PDZRN4: variants seen among roughly 807,000 people sequenced by gnomAD.
The protein encoded by PDZRN4 is PDZ domain-containing RING finger protein 4.
In PDZRN4, 70 loss-of-function variants were observed where a neutral mutation model predicts 99.0. The ratio of observed to expected loss-of-function variants is 0.71; its 90% confidence interval spans 0.58 to 0.86. The LOEUF is 0.86. PDZRN4 is among the 40% of genes least tolerant of loss of function. The pLI, the probability that PDZRN4 is intolerant of heterozygous loss-of-function variation, is 0.00. For missense variants in PDZRN4, 1,474 were observed against 1,331.2 expected (o/e 1.11, Z -1.67); for synonymous variants, 551 against 501.6 (o/e 1.10, Z -1.32).
intron 3 of PDZRN4, among the ~76,000 whole-genome samples, chr12:41,247,932 G>A (rs1419462756): frequency 6.6e-6 from 1 of 150,818 alleles, no homozygotes; most frequent in Non-Finnish European, 1.5e-5. Context: ...GCTACAGAAA[G>A]CAATGGCATT....
intron 3 of PDZRN4, among the ~76,000 whole-genome samples, chr12:41,259,379 A>G (rs1443836073): frequency 6.6e-6 from 1 of 152,106 alleles, no homozygotes; most frequent in Non-Finnish European, 1.5e-5. Flanking sequence ...AGTGAGGGAC[A>G]TGCTTACGTA....
chr12:41,491,559 T>C (rs1370294103), intron 3 of PDZRN4, among the ~76,000 whole-genome samples: 1 of 151,936 alleles, frequency 6.6e-6, no homozygotes, highest in Non-Finnish European at 1.5e-5. Flanking sequence ...ACAAAAACCA[T>C]GAATACTGGC....
intron 3 of PDZRN4, among the ~76,000 whole-genome samples, chr12:41,241,147 A>T (rs1281617689): frequency 2.6e-5 from 4 of 152,146 alleles, no homozygotes; most frequent in Non-Finnish European, 5.9e-5. Context: ...ATATTTTGGA[A>T]TATACCTTTA....
chr12:41,227,444 C>A (rs1175038284), intron 3 of PDZRN4, among the ~76,000 whole-genome samples: 2 of 151,970 alleles, frequency 1.3e-5, no homozygotes, highest in East Asian at 1.9e-4. Context: ...GTGGGAGGAT[C>A]ACTTGAGCCC....
chr12:41,533,017 G>A (rs974806941), intron 5 of PDZRN4, among the ~76,000 whole-genome samples: 1 of 152,050 alleles, frequency 6.6e-6, no homozygotes, highest in Admixed American at 6.5e-5. Context: ...ACATGCTAAA[G>A]TGTATTGCCT....
intron 3 of PDZRN4, among the ~76,000 whole-genome samples, chr12:41,198,155 C>T (rs993100690): frequency 1.7e-4 from 26 of 152,068 alleles, no homozygotes; most frequent in Non-Finnish European, 3.1e-4. Flanking sequence ...TGGGCTCAAG[C>T]GACCTGTCCA....
At chr12:41,346,184 C>T (rs1047294666) in intron 3 of PDZRN4, among the ~76,000 whole-genome samples, 2 of 152,122 alleles carry the variant, frequency 1.3e-5, no homozygotes, top group Admixed American at 6.5e-5. Flanking sequence ...TAAATTGGGC[C>T]GGGCACGGTG....
chr12:41,326,213 A>G (rs892042581), intron 3 of PDZRN4, among the ~76,000 whole-genome samples: 1 of 151,718 alleles, frequency 6.6e-6, no homozygotes, highest in Non-Finnish European at 1.5e-5. Context: ...TCTGGGCTCG[A>G]GCAATCTGCC....
At chr12:41,319,036 C>G (rs1320459739) in intron 3 of PDZRN4, among the ~76,000 whole-genome samples, 1 of 152,120 alleles carries the variant, frequency 6.6e-6, no homozygotes, top group Non-Finnish European at 1.5e-5. Flanking sequence ...ATTACTTTCT[C>G]AGAACATCTG....
At chr12:41,404,356 A>C (rs1952327339) in intron 3 of PDZRN4, among the ~76,000 whole-genome samples, 1 of 152,094 alleles carries the variant, frequency 6.6e-6, no homozygotes, top group African/African-American at 2.4e-5. Flanking sequence ...AGAGTTATAC[A>C]TCAATAACGT....
intron 5 of PDZRN4, among the ~76,000 whole-genome samples, chr12:41,544,695 A>G (rs186250382): frequency 6.6e-6 from 1 of 152,344 alleles, no homozygotes; most frequent in African/African-American, 2.4e-5. Context: ...ATAATTGCCA[A>G]GAAGCTACTA....
intron 3 of PDZRN4, among the ~76,000 whole-genome samples, chr12:41,303,766 T>A (rs1400444824): frequency 6.6e-6 from 1 of 152,202 alleles, no homozygotes; most frequent in Non-Finnish European, 1.5e-5. Context: ...TTCAATTATG[T>A]GCTCTTGCTT....
chr12:41,190,788 A>G (rs577276545), intron 1 of PDZRN4, among the ~76,000 whole-genome samples: 7 of 152,234 alleles, frequency 4.6e-5, no homozygotes, highest in Non-Finnish European at 8.8e-5. Flanking sequence ...TGTGTAAGTT[A>G]GTCTTTACTA....
rs536246838 is a variant in PDZRN4 at position 41,214,430 on chromosome 12, T to TAAAAAAAAAAAA, written c.843+20251_843+20262dup. Reference sequence around the variant, plus strand: ...GGCAATAGAAGGAGACCCTGTCCCCTAAAAAAAAAAAAAAAAAAAAGTTAT... The same window carrying TAAAAAAAAAAAA: ...GGCAATAGAAGGAGACCCTGTCCCCTAAAAAAAAAAAAAAAAAAAAAAAAAAAAAAAAGTTAT... On this transcript the variant is annotated intron_variant, in intron 3 of 9. Transcript: ENST00000402685. Among the ~76,000 whole-genome samples, 108 of 34,060 alleles carry TAAAAAAAAAAAA rather than the reference T, an allele frequency of 3.2e-3. 9 individuals are homozygous for TAAAAAAAAAAAA. The highest frequency in any genetic ancestry group is 7.5e-3 in the African/African-American group (90 of 12,058). The allele number at this position is 34,060 out of a possible 152,430, so 22.3% of individuals were successfully genotyped here. A position where few individuals can be genotyped will look rare whatever the true frequency, so the allele number is the denominator to read the frequency against.
At position 41,386,030 on chromosome 12, in the gene PDZRN4, T is replaced by G. The variant is rs540904759; in HGVS notation, c.844-120426T>G. 7.4e-4 allele frequency among the ~76,000 whole-genome samples: 112 copies of G among 152,326 alleles called. 3 individuals carry two copies. The highest frequency in any genetic ancestry group is 2.2e-3 in the African/African-American group (90 of 41,580). Reference sequence around the variant, plus strand: ...TTCAACATACACAAATCAGTAAATGTGATTCCTCACATAAACAGAACTAAA... The same window carrying G: ...TTCAACATACACAAATCAGTAAATGGGATTCCTCACATAAACAGAACTAAA... On this transcript the variant is annotated intron_variant, in intron 3 of 9. Transcript: ENST00000402685.
chr12:41,526,355 T>C (rs1938567227), intron 5 of PDZRN4, among the ~76,000 whole-genome samples: 1 of 152,210 alleles, frequency 6.6e-6, no homozygotes, highest in East Asian at 1.9e-4. Flanking sequence ...GCTCAGAGAC[T>C]CTCTGGTTCA....
In PDZRN4 at chr12:41,276,436, GA is replaced by G. The variant is rs531774097; in HGVS notation, c.843+82249del. Among the ~76,000 whole-genome samples the G allele has an allele frequency of 9.7e-4, 147 of 151,926 alleles. 1 individual carries two copies. The highest frequency in any genetic ancestry group is 3.5e-3 in the African/African-American group (143 of 41,436). On this transcript the variant is annotated intron_variant, in intron 3 of 9. Coordinates refer to ENST00000402685, the MANE Select transcript of PDZRN4 (RefSeq NM_001164595.2). ...TCAGATAGATTCAGATAGACCTGGG[GA>G]TTATTTTATACACGTCATAGTTCAT...
intron 6 of PDZRN4, among the ~76,000 whole-genome samples, chr12:41,555,243 A>G (rs537177763): frequency 1.9e-4 from 28 of 150,002 alleles, no homozygotes; most frequent in Non-Finnish European, 3.9e-4. Context: ...AAAAAAAAAA[A>G]AAAAAAGAAA....
rs551681777 is a variant in PDZRN4, at chr12:41,466,333, G to A, written c.844-40123G>A. Reference sequence around the variant, plus strand: ...TACACCTAGGTTAGGCATTAATACCGCCATTATCTCCAACACAAATCCCCT... The same window carrying A: ...TACACCTAGGTTAGGCATTAATACCACCATTATCTCCAACACAAATCCCCT... On this transcript the variant is annotated intron_variant, in intron 3 of 9. Transcript: ENST00000402685. Among the ~76,000 whole-genome samples, 15 of 152,218 alleles carry A rather than the reference G, an allele frequency of 9.9e-5. No homozygotes were observed. In the East Asian group the frequency reaches 2.3e-3, roughly 23 times the overall value.
Sources: allele counts gnomAD v4.1 joint callset (sites outside exome capture counted in the v4.1 genomes callset), GRCh38; gene constraint gnomAD v4.1.1; transcripts MANE v1.5; gene names NCBI Gene and HGNC (gene_info 2026-07-23, HGNC 2026-07-21).